Variants in TP63 observed in about 807,000 individuals in gnomAD.
The protein encoded by TP63 is tumor protein p63.
TP63 carries 17 observed loss-of-function variants against 82.8 expected under a neutral mutation model. The observed-to-expected ratio is 0.21, with a 90% CI of 0.14 to 0.31. The LOEUF is 0.31. Among genes scored for constraint, TP63 ranks in the 10% least tolerant of loss-of-function variants. TP63 has a pLI of 1.00. For missense variants in TP63, 648 were observed against 895.3 expected (o/e 0.72, Z 3.52); for synonymous variants, 330 against 321.7 (o/e 1.03, Z -0.28).
chr3:189,863,580 G>A (rs1038898161), intron 4 of TP63, among the ~76,000 whole-genome samples: 9 of 152,078 alleles, frequency 5.9e-5, no homozygotes, highest in Non-Finnish European at 1.0e-4. Context: ...CATCAGGCCC[G>A]GTGTTTTCAG....
intron 1 of TP63, among the ~76,000 whole-genome samples, chr3:189,673,725 G>A (rs910243050): frequency 6.6e-6 from 1 of 151,988 alleles, no homozygotes; most frequent in Admixed American, 6.6e-5. Flanking sequence ...GTAGAGGGGT[G>A]GGAATCACAA....
chr3:189,700,140 A>G (rs982420689), intron 1 of TP63, among the ~76,000 whole-genome samples: 1 of 152,184 alleles, frequency 6.6e-6, no homozygotes, highest in African/African-American at 2.4e-5. Context: ...CAGGTTGTGC[A>G]ATAACTTGAG....
chr3:189,626,620 T>C (rs1335554157), upstream of TP63, among the ~76,000 whole-genome samples: 3 of 152,214 alleles, frequency 2.0e-5, no homozygotes, highest in Non-Finnish European at 2.9e-5. Flanking sequence ...TATTTTCTTC[T>C]GAAAACTCTC....
In TP63 at chr3:189,872,619, CAG is replaced by C. The variant is rs1188422849; in HGVS notation, c.1213-237_1213-236del. ...TTACGGTATAAGAGCTACAAGATGA[CAG>C]AGCATCTCCTTGTTCGAACCAGCTG... On this transcript the variant is annotated intron_variant, in intron 9 of 13. Coordinates refer to ENST00000264731, the MANE Select transcript of TP63 (RefSeq NM_003722.5). 3.3e-5 allele frequency among the ~76,000 whole-genome samples: 5 copies of C among 152,256 alleles called. No homozygotes were observed. In the East Asian group the frequency reaches 9.7e-4, roughly 29 times the overall value.
At chr3:189,775,529 T>C (rs1335088497) in intron 3 of TP63, among the ~76,000 whole-genome samples, 1 of 152,188 alleles carries the variant, frequency 6.6e-6, no homozygotes, top group Non-Finnish European at 1.5e-5. Flanking sequence ...TTCTATTTGA[T>C]TGCGGGTGCT....
intron 3 of TP63, among the ~76,000 whole-genome samples, chr3:189,801,276 A>G (rs919861228): frequency 6.6e-6 from 1 of 152,172 alleles, no homozygotes; most frequent in African/African-American, 2.4e-5. Flanking sequence ...ATTGATTGCT[A>G]TAGATTGAAA....
intron 3 of TP63, among the ~76,000 whole-genome samples, chr3:189,751,804 T>G (rs1179177574): frequency 6.6e-6 from 1 of 152,232 alleles, no homozygotes; most frequent in African/African-American, 2.4e-5. Flanking sequence ...TCTTTTGCTG[T>G]GCAGAAGCTC....
intron 3 of TP63, among the ~76,000 whole-genome samples, chr3:189,789,208 G>A (rs914898593): frequency 3.8e-4 from 58 of 151,992 alleles, no homozygotes; most frequent in African/African-American, 7.0e-4. Flanking sequence ...GTGGATTTGC[G>A]TACTCTCTCC....
chr3:189,868,450 C>A, intron 7 of TP63, 130 bp from the exon 8 acceptor site: 2 of 1,402,960 alleles, frequency 1.4e-6, no homozygotes, highest in East Asian at 2.5e-5. Context: ...GGTCCATTCT[C>A]AAAGCCGCCA....
chr3:189,792,636 T>A (rs1490314241), intron 3 of TP63, among the ~76,000 whole-genome samples: 1 of 152,110 alleles, frequency 6.6e-6, no homozygotes, highest in African/African-American at 2.4e-5. Flanking sequence ...ATTTTACAAA[T>A]CAGGGTTAAT....
chr3:189,694,078 T>G (rs1350382227), intron 1 of TP63, among the ~76,000 whole-genome samples: 3 of 152,202 alleles, frequency 2.0e-5, no homozygotes, highest in Non-Finnish European at 4.4e-5. Flanking sequence ...TGTTATTTCT[T>G]CCAGACTATT....
At chr3:189,666,031 AAAAT>A (rs1357931359) in intron 1 of TP63, among the ~76,000 whole-genome samples, 2 of 152,052 alleles carry the variant, frequency 1.3e-5, no homozygotes, top group Non-Finnish European at 2.9e-5. Context: ...TATCTAACTG[AAAAT>A]AAATATAGTT....
chr3:189,599,825 G>T, the TP63 span, among the ~76,000 whole-genome samples: 1 of 152,026 alleles, frequency 6.6e-6, no homozygotes, highest in African/African-American at 2.4e-5. Context: ...AAAATTGTTT[G>T]TTCACCAAAC....
At chr3:189,874,539 G>T (rs1462444182) in intron 10 of TP63, among the ~76,000 whole-genome samples, 1 of 152,098 alleles carries the variant, frequency 6.6e-6, no homozygotes, top group Non-Finnish European at 1.5e-5. Flanking sequence ...GGCCCGAAGG[G>T]ATCTCACCAT....
intron 4 of TP63, among the ~76,000 whole-genome samples, chr3:189,848,708 A>G (rs1045390461): frequency 1.3e-5 from 2 of 152,182 alleles, no homozygotes; most frequent in Admixed American, 6.5e-5. Context: ...GAACTAAGGA[A>G]ATCTGAGTTC....
intron 1 of TP63, among the ~76,000 whole-genome samples, chr3:189,655,238 T>C (rs1039462431): frequency 2.7e-4 from 41 of 152,044 alleles, no homozygotes; most frequent in African/African-American, 9.7e-4. Flanking sequence ...AGCTTGGAGG[T>C]TGTCACTCCT....
chr3:189,892,643 T>G (rs60599136), intron 13 of TP63, among the ~76,000 whole-genome samples: 7,472 of 151,944 alleles, frequency 0.049, 238 homozygotes, highest in South Asian at 0.1. Context: ...ATACAAAAAA[T>G]TAGCCAGGTG....
chr3:189,889,042 A>G (rs1394862466), intron 11 of TP63, among the ~76,000 whole-genome samples: 1 of 152,210 alleles, frequency 6.6e-6, no homozygotes, highest in African/African-American at 2.4e-5. Context: ...AAATACAAGG[A>G]AGAATATGTT....
At chr3:189,609,190 A>G in the TP63 span, among the ~76,000 whole-genome samples, 4 of 152,144 alleles carry the variant, frequency 2.6e-5, no homozygotes, top group Non-Finnish European at 5.9e-5. Context: ...CTCCTTTTAG[A>G]CATCTTTCCA....
Sources: allele counts gnomAD v4.1 joint callset (sites outside exome capture counted in the v4.1 genomes callset), GRCh38; gene constraint gnomAD v4.1.1; transcripts MANE v1.5; gene names NCBI Gene and HGNC (gene_info 2026-07-23, HGNC 2026-07-21).